The following CTBP2 variants were observed in gnomAD, a reference collection of about 807,000 sequenced individuals.
CTBP2 encodes the protein C-terminal-binding protein 2.
Under a neutral mutation model 80.3 loss-of-function variants are expected in CTBP2, and 30 were observed. That is an observed-to-expected ratio of 0.37 (90% confidence interval 0.28 to 0.51). The LOEUF (loss-of-function observed/expected upper bound fraction) is 0.51. Among genes scored for constraint, CTBP2 ranks in the 20% least tolerant of loss-of-function variants. The pLI is 0.93. For missense variants in CTBP2, 1,212 were observed against 1,375.3 expected (o/e 0.88, Z 1.88); for synonymous variants, 594 against 587.4 (o/e 1.01, Z -0.16).
chr10:125,043,367 T>TA (rs532202765), intron 2 of CTBP2, among the ~76,000 whole-genome samples: 2 of 152,204 alleles, frequency 1.3e-5, no homozygotes, highest in Non-Finnish European at 2.9e-5. Flanking sequence ...CAAGCGCCCT[T>TA]AAGGTTACAC....
At chr10:125,009,564 G>C (rs1456996264) in intron 1 of CTBP2, among the ~76,000 whole-genome samples, 2 of 152,184 alleles carry the variant, frequency 1.3e-5, no homozygotes, top group Non-Finnish European at 1.5e-5. Context: ...CTGCAATCCA[G>C]CATGACCCGA....
intron 1 of CTBP2, among the ~76,000 whole-genome samples, chr10:125,121,061 G>C (rs1283857068): frequency 6.6e-6 from 1 of 152,236 alleles, no homozygotes; most frequent in African/African-American, 2.4e-5. Flanking sequence ...AGATCCATGA[G>C]AGCAGAGACA....
Position 125,027,630 on chromosome 10 carries a change from C to A in CTBP2, c.130G>T (p.Gly44Cys). Residue 44 changes from glycine (G) to cysteine (C), a missense_variant, in exon 1 of 9, where the codon GGC becomes TGC. Gly to Cys is a radical substitution (Grantham distance 159). Transcript: ENST00000309035. ...TCAAACCAAGTCCCCTCTGCTGTGC[C>A]ATACGTCAGGGAGCTTCTCCTCCCC... 6.2e-7 allele frequency: 1 copy of A among 1,614,100 alleles called. No homozygotes were observed. The highest frequency in any genetic ancestry group is 8.5e-7 in the Non-Finnish European group (1 of 1,180,026).
chr10:125,034,009 C>G (rs1232519990), intron 3 of CTBP2, among the ~76,000 whole-genome samples: 1 of 152,176 alleles, frequency 6.6e-6, no homozygotes, highest in Admixed American at 6.5e-5. Context: ...TCCAGTTGCA[C>G]TACACATCCC....
At chr10:125,112,455 G>A (rs1190305462) in intron 1 of CTBP2, among the ~76,000 whole-genome samples, 1 of 135,560 alleles carries the variant, frequency 7.4e-6, no homozygotes, top group Admixed American at 7.8e-5. Flanking sequence ...TTGAGACGTA[G>A]TCTCACTCTG....
At chr10:125,094,820 A>G (rs2135728407) in intron 2 of CTBP2, among the ~76,000 whole-genome samples, 1 of 152,298 alleles carries the variant, frequency 6.6e-6, no homozygotes, top group East Asian at 1.9e-4. Flanking sequence ...CTGAAGTTCC[A>G]AACTAGAAAT....
chr10:125,140,213 T>C (rs1173244044), intron 1 of CTBP2, among the ~76,000 whole-genome samples: 3 of 151,380 alleles, frequency 2.0e-5, no homozygotes, highest in Non-Finnish European at 4.4e-5. Flanking sequence ...CAAGAATGCT[T>C]AGACATTAAT....
rs201489673 is a variant in CTBP2 at position 125,026,162 on chromosome 10, G to A, written c.1598C>T (p.Thr533Met). Reference sequence around the variant, plus strand: ...CACCTTCTGGTACGGTGAGTGAGGCGTGTGGAGGCTCTGGCTGGCCGGCGG... The same window carrying A: ...CACCTTCTGGTACGGTGAGTGAGGCATGTGGAGGCTCTGGCTGGCCGGCGG... The change falls in exon 1 of 9, where the codon ACG (threonine) becomes ATG (methionine). Residue 533 changes from threonine to methionine, a missense_variant. This residue lies in a region of CTBP2 where 848 missense variants were observed against 782.3 expected (regional missense o/e 1.08). Coordinates refer to ENST00000309035, the MANE Select transcript of CTBP2 (RefSeq NM_022802.3). The A allele has an allele frequency of 8.7e-6, 14 of 1,611,080 alleles. No homozygotes were observed. Among genetic ancestry groups the A allele is most frequent in the East Asian group, 2.2e-5 (1 of 44,766 alleles).
chr10:125,082,153 C>T (rs560284249), intron 2 of CTBP2, among the ~76,000 whole-genome samples: 3 of 152,362 alleles, frequency 2.0e-5, no homozygotes, highest in Non-Finnish European at 2.9e-5. Context: ...GGGCTGGCCA[C>T]GCCGGAGCTG....
At chr10:125,009,649 G>A (rs1590044171) in intron 1 of CTBP2, among the ~76,000 whole-genome samples, 1 of 152,342 alleles carries the variant, frequency 6.6e-6, no homozygotes, top group African/African-American at 2.4e-5. Context: ...CCTGCTAACA[G>A]TGTTATTTCA....
intron 2 of CTBP2, among the ~76,000 whole-genome samples, chr10:125,090,101 G>C (rs967791392): frequency 3.9e-5 from 6 of 152,006 alleles, no homozygotes; most frequent in African/African-American, 4.8e-5. Context: ...GTGGTAAAAG[G>C]AGCAAGCAGA....
intron 7 of CTBP2, 43 bp from the exon 10 acceptor site, chr10:124,992,855 TCACAGTAAGTTCAACATTA>T: frequency 6.9e-7 from 1 of 1,456,698 alleles, no homozygotes; most frequent in East Asian, 2.3e-5. Context: ...TTTTTACAAA[TCACAGTAAGTTCAACATTA>T]CACCTGTAGC....
chr10:125,148,844 C>G (rs151142170), intron 1 of CTBP2, among the ~76,000 whole-genome samples: 2 of 152,238 alleles, frequency 1.3e-5, no homozygotes, highest in Non-Finnish European at 2.9e-5. Context: ...TCACTTGAAG[C>G]CTCATTCTTA....
chr10:125,126,928 C>G (rs1393792063), intron 1 of CTBP2, among the ~76,000 whole-genome samples: 1 of 150,778 alleles, frequency 6.6e-6, no homozygotes, highest in South Asian at 2.1e-4. Flanking sequence ...CACACATTCT[C>G]TCTCTCTCTC....
At chr10:125,057,814 C>T (rs1229245507) in intron 2 of CTBP2, among the ~76,000 whole-genome samples, 1 of 152,200 alleles carries the variant, frequency 6.6e-6, no homozygotes, top group Non-Finnish European at 1.5e-5. Context: ...TTAAACACTC[C>T]TTCAGTAAAA....
chr10:125,092,363 GTATTTT>G (rs899829576), intron 2 of CTBP2, among the ~76,000 whole-genome samples: 4 of 151,696 alleles, frequency 2.6e-5, no homozygotes, highest in Non-Finnish European at 5.9e-5. Context: ...GCTCATTTTT[GTATTTT>G]TAGTAGAGAT....
chr10:125,112,384 A>T (rs1152694), intron 1 of CTBP2, among the ~76,000 whole-genome samples: 9,266 of 147,052 alleles, frequency 0.063, 514 homozygotes, highest in East Asian at 0.23. Context: ...AAGTGCTGGG[A>T]TTACAGGCGT....
At chr10:125,136,842 CG>C (rs1360879421) in intron 1 of CTBP2, among the ~76,000 whole-genome samples, 2 of 152,160 alleles carry the variant, frequency 1.3e-5, no homozygotes, top group African/African-American at 4.8e-5. Context: ...GGGGCAGAGA[CG>C]TAAAACATTC....
chr10:125,104,512 G>A (rs945039878), intron 2 of CTBP2, among the ~76,000 whole-genome samples: 1 of 152,150 alleles, frequency 6.6e-6, no homozygotes, highest in African/African-American at 2.4e-5. Context: ...ATGTATAAAT[G>A]TCACTGTTCG....
Sources: allele counts gnomAD v4.1 joint callset (sites outside exome capture counted in the v4.1 genomes callset), GRCh38; gene constraint gnomAD v4.1.1; regional missense constraint gnomAD v4.1.1; transcripts MANE v1.5; gene names NCBI Gene and HGNC (gene_info 2026-07-23, HGNC 2026-07-21).